Variants in NEK6 observed in about 807,000 individuals in gnomAD.
NEK6 encodes NIMA related kinase 6, also known as serine/threonine-protein kinase Nek6.
A neutral mutation model predicts 43.5 loss-of-function variants in NEK6; 27 were observed. The observed-to-expected ratio is 0.62, with a 90% CI of 0.46 to 0.86. NEK6 has a LOEUF of 0.86. Ranked by LOEUF, NEK6 falls within the 40% of genes least tolerant of loss-of-function variation. NEK6 has a pLI of 0.00. For missense variants in NEK6, 318 were observed against 414.4 expected (o/e 0.77, Z 2.02); for synonymous variants, 167 against 164.1 (o/e 1.02, Z -0.14).
At chr9:124,327,762 G>A (rs1038880232) in intron 7 of NEK6, among the ~76,000 whole-genome samples, 3 of 152,180 alleles carry the variant, frequency 2.0e-5, no homozygotes, top group African/African-American at 2.4e-5. Flanking sequence ...TGAGTGTCCC[G>A]TTCACGGGCA....
At chr9:124,267,049 C>A (rs1057343931) in intron 1 of NEK6, among the ~76,000 whole-genome samples, 1 of 152,234 alleles carries the variant, frequency 6.6e-6, no homozygotes, top group Non-Finnish European at 1.5e-5. Flanking sequence ...AGTGCTGTGT[C>A]TTAAAGCTGC....
intron 1 of NEK6, among the ~76,000 whole-genome samples, chr9:124,269,084 C>T (rs1344594840): frequency 6.6e-6 from 1 of 152,076 alleles, no homozygotes; most frequent in Non-Finnish European, 1.5e-5. Flanking sequence ...ATTTATTGAG[C>T]GCTTGCCGAG....
At chr9:124,263,768 A>C (rs1432162426) in intron 1 of NEK6, among the ~76,000 whole-genome samples, 1 of 152,184 alleles carries the variant, frequency 6.6e-6, no homozygotes, top group East Asian at 1.9e-4. Context: ...GAAGGGAAGG[A>C]GACAGCGCAG....
intron 2 of NEK6, among the ~76,000 whole-genome samples, chr9:124,304,136 G>A (rs938649559): frequency 1.3e-5 from 2 of 152,362 alleles, no homozygotes; most frequent in Non-Finnish European, 1.5e-5. Flanking sequence ...GAATGGGGGC[G>A]CAAGGCCACC....
At chr9:124,335,374 G>A (rs1044576019) in intron 7 of NEK6, among the ~76,000 whole-genome samples, 4 of 152,224 alleles carry the variant, frequency 2.6e-5, no homozygotes, top group African/African-American at 9.6e-5. Context: ...CTGCTGAGTA[G>A]CGGTTAGCCC....
chr9:124,266,804 A>G (rs146404728), intron 1 of NEK6, among the ~76,000 whole-genome samples: 118 of 152,318 alleles, frequency 7.7e-4, no homozygotes, highest in African/African-American at 2.7e-3. Context: ...TCTGTTAGCA[A>G]ACGTTCCTCA....
At chr9:124,317,258 C>G (rs1833864681) in intron 4 of NEK6, among the ~76,000 whole-genome samples, 1 of 152,206 alleles carries the variant, frequency 6.6e-6, no homozygotes, top group Admixed American at 6.5e-5. Flanking sequence ...TCTTTTCTTT[C>G]TTTCCTTTTT....
At position 124,351,369 on chromosome 9, in the gene NEK6, A is replaced by T. The variant is rs756830061; in HGVS notation, c.*422A>T. ...TTTGAAAATGGTTAGTACCGGGTTCAGTTTAGTTCTTAGTATCTTTTCAAT... is the reference window on the plus strand; with the variant it reads ...TTTGAAAATGGTTAGTACCGGGTTCTGTTTAGTTCTTAGTATCTTTTCAAT... On this transcript the variant is annotated 3_prime_UTR_variant, in exon 10 of 10. Transcript: ENST00000320246. 4.8e-5 allele frequency: 8 copies of T among 168,156 alleles called. No individual in the cohort carries two copies. The highest frequency in any genetic ancestry group is 1.0e-4 in the Non-Finnish European group (8 of 78,152). The allele number at this position is 168,156 out of a possible 1,614,324, so 10.4% of individuals were successfully genotyped here.
chr9:124,282,879 T>A (rs1057387357), intron 1 of NEK6, among the ~76,000 whole-genome samples: 2 of 151,794 alleles, frequency 1.3e-5, no homozygotes, highest in African/African-American at 4.8e-5. Flanking sequence ...CTGGCTCTGC[T>A]CTTTTGGGTT....
chr9:124,268,206 CAGG>C (rs1831298630), intron 1 of NEK6, among the ~76,000 whole-genome samples: 1 of 152,224 alleles, frequency 6.6e-6, no homozygotes, highest in Non-Finnish European at 1.5e-5. Context: ...CTTTATTTCT[CAGG>C]AGGAGGGTCT....
In NEK6 at chr9:124,343,853, A is replaced by G. The variant is rs1178758387; in HGVS notation, c.718-3856A>G. Among the ~76,000 whole-genome samples, 1 of 152,178 alleles carries G rather than the reference A, an allele frequency of 6.6e-6. No individual in the cohort carries two copies. The highest frequency in any genetic ancestry group is 2.4e-5 in the African/African-American group (1 of 41,448). On this transcript the variant is annotated intron_variant, in intron 8 of 9. Coordinates refer to ENST00000320246, the MANE Select transcript of NEK6 (RefSeq NM_014397.6). This position sits in a 1 kb window ranked among gnomAD's most constrained non-coding sequence, Gnocchi z 5.1. The stretch of plus-strand genomic sequence containing the variant: ...GCCCCAGCACAGCCCGGAAGGCTCA[A>G]AAGCCCCTGTGCTCATCCCTGTGGC...
intron 1 of NEK6, among the ~76,000 whole-genome samples, chr9:124,271,165 G>A (rs969714222): frequency 1.3e-5 from 2 of 152,258 alleles, no homozygotes; most frequent in Non-Finnish European, 2.9e-5. Flanking sequence ...AGCCCTCCCT[G>A]ACTTAATCTC....
At chr9:124,270,077 C>A (rs570525069) in intron 1 of NEK6, among the ~76,000 whole-genome samples, 93 of 152,168 alleles carry the variant, frequency 6.1e-4, no homozygotes, top group Non-Finnish European at 2.1e-4. Flanking sequence ...ACGCCCCCCC[C>A]CCATGCTGTC....
intron 1 of NEK6, chr9:124,259,319 ACGTG>A (rs1270417622): frequency 6.6e-6 from 1 of 152,140 alleles, no homozygotes; most frequent in Non-Finnish European, 1.5e-5. Flanking sequence ...GGTGTACAGT[ACGTG>A]CAGGCAGGTC....
chr9:124,312,471 C>A (rs989145830), intron 2 of NEK6, 38 bp from the exon 3 acceptor site: 2 of 1,599,018 alleles, frequency 1.3e-6, no homozygotes, highest in African/African-American at 2.7e-5. Context: ...TCTGCTGCAG[C>A]CTGGCTGCTC....
intron 7 of NEK6, among the ~76,000 whole-genome samples, chr9:124,330,820 C>A (rs191637659): frequency 6.6e-6 from 1 of 152,086 alleles, no homozygotes; most frequent in African/African-American, 2.4e-5. Context: ...GCAGGGCAGG[C>A]GTGGGGCTCT....
At chr9:124,333,324 T>C (rs571092261) in intron 7 of NEK6, among the ~76,000 whole-genome samples, 2 of 152,346 alleles carry the variant, frequency 1.3e-5, no homozygotes, top group Admixed American at 6.5e-5. Context: ...TATCTGCTCC[T>C]GTAGCTTCCC....
intron 7 of NEK6, among the ~76,000 whole-genome samples, chr9:124,334,015 G>A (rs180868251): frequency 7.2e-5 from 11 of 152,294 alleles, no homozygotes; most frequent in African/African-American, 2.6e-4. Context: ...CTGACCTCGT[G>A]ATCCACCCGC....
chr9:124,278,517 C>T (rs1398938622), intron 1 of NEK6, among the ~76,000 whole-genome samples: 1 of 152,160 alleles, frequency 6.6e-6, no homozygotes, highest in Non-Finnish European at 1.5e-5. Flanking sequence ...CTCACCCCCT[C>T]GCAGACCCAG....
Sources: gnomAD v4.1 joint callset for allele counts (sites outside exome capture counted in the v4.1 genomes callset) on GRCh38, gnomAD v4.1.1 for gene constraint, Gnocchi (gnomAD v3.1) non-coding constraint, MANE v1.5 for transcripts, NCBI Gene and HGNC (gene_info 2026-07-23, HGNC 2026-07-21) for gene names.